ZNF609: variants seen among roughly 807,000 people sequenced by gnomAD.
ZNF609 encodes the protein zinc finger protein 609.
ZNF609 carries 11 observed loss-of-function variants against 109.5 expected under a neutral mutation model. The ratio of observed to expected loss-of-function variants is 0.10; its 90% confidence interval spans 0.06 to 0.17. The LOEUF is 0.17. Ranked by LOEUF, ZNF609 falls within the 10% of genes least tolerant of loss-of-function variation. ZNF609 has a pLI of 1.00. For missense variants in ZNF609, 1,559 were observed against 1,772.4 expected (o/e 0.88, Z 2.16); for synonymous variants, 646 against 662.0 (o/e 0.98, Z 0.37).
At chr15:64,475,801 T>G (rs1048835544) in intron 1 of ZNF609, among the ~76,000 whole-genome samples, 1 of 152,244 alleles carries the variant, frequency 6.6e-6, no homozygotes, top group Non-Finnish European at 1.5e-5. Flanking sequence ...AGCCCAGTGC[T>G]TCTTTGAATA....
intron 3 of ZNF609, among the ~76,000 whole-genome samples, chr15:64,638,733 A>G (rs1896214555): frequency 6.6e-6 from 1 of 151,904 alleles, no homozygotes; most frequent in South Asian, 2.1e-4. Flanking sequence ...CCATCTCTAC[A>G]AAAAGTAGAA....
At chr15:64,486,514 ACT>A (rs1365153192) in intron 1 of ZNF609, among the ~76,000 whole-genome samples, 5 of 124,644 alleles carry the variant, frequency 4.0e-5, no homozygotes, top group African/African-American at 1.4e-4. Flanking sequence ...ACAGAGTGAG[ACT>A]CTGTCTCCAA....
chr15:64,547,652 T>G (rs1894388884), intron 2 of ZNF609, among the ~76,000 whole-genome samples: 1 of 145,842 alleles, frequency 6.9e-6, no homozygotes, highest in Non-Finnish European at 1.5e-5. Context: ...ACTTACCACT[T>G]TTTTTTTTTT....
intron 2 of ZNF609, among the ~76,000 whole-genome samples, chr15:64,543,084 A>G (rs751420790): frequency 6.6e-6 from 1 of 152,064 alleles, no homozygotes; most frequent in Non-Finnish European, 1.5e-5. Flanking sequence ...AGGTGCAGCA[A>G]ACCACCGTGG....
intron 2 of ZNF609, among the ~76,000 whole-genome samples, chr15:64,573,168 A>G (rs1314642494): frequency 6.6e-6 from 1 of 151,886 alleles, no homozygotes; most frequent in East Asian, 1.9e-4. Flanking sequence ...TGATTATGAG[A>G]TGAGAAAGTA....
At chr15:64,554,806 G>T (rs990698643) in intron 2 of ZNF609, among the ~76,000 whole-genome samples, 2 of 151,600 alleles carry the variant, frequency 1.3e-5, no homozygotes, top group African/African-American at 4.8e-5. Context: ...AATCTTTAAA[G>T]AATTTTCCGG....
chr15:64,610,503 G>A (rs1344671101), intron 2 of ZNF609, among the ~76,000 whole-genome samples: 1 of 152,060 alleles, frequency 6.6e-6, no homozygotes, highest in African/African-American at 2.4e-5. Flanking sequence ...ACAACAAATA[G>A]CCAAGTGCAG....
intron 2 of ZNF609, among the ~76,000 whole-genome samples, chr15:64,524,315 C>A (rs1433693887): frequency 6.6e-6 from 1 of 152,214 alleles, no homozygotes; most frequent in Non-Finnish European, 1.5e-5. Flanking sequence ...CCTGTAATCC[C>A]AGCACTTTGG....
rs35347624 is a variant in ZNF609 at position 64,666,074 on chromosome 15, C to CAA, written c.974-4258_974-4257dup. Among the ~76,000 whole-genome samples the CAA allele has an allele frequency of 3.8e-3, 507 of 134,296 alleles. 5 individuals carry two copies. Among genetic ancestry groups the CAA allele is most frequent in the Middle Eastern group, 0.02 (5 of 252 alleles). 88.1% of individuals were successfully genotyped at this position (134,296 alleles called of 152,430 possible). On this transcript the variant is annotated intron_variant, in intron 3 of 9. Coordinates refer to ENST00000326648, the MANE Select transcript of ZNF609 (RefSeq NM_015042.2). ...TGGGCAACAGAGCAAGACTTCGTCTCAAAAAAAAAAAAAAACACACACACA... is the reference window on the plus strand; with the variant it reads ...TGGGCAACAGAGCAAGACTTCGTCTCAAAAAAAAAAAAAAAAACACACACACA...
intron 2 of ZNF609, among the ~76,000 whole-genome samples, chr15:64,526,831 G>A (rs955369558): frequency 6.6e-6 from 1 of 152,074 alleles, no homozygotes; most frequent in Non-Finnish European, 1.5e-5. Context: ...TGTAGACACA[G>A]GGTTTCACTA....
Position 64,675,844 on chromosome 15 carries a change from C to G in ZNF609, c.2990C>G (p.Thr997Ser). 6.2e-7 allele frequency: 1 copy of G among 1,614,232 alleles called. No individual in the cohort carries two copies. Among genetic ancestry groups the G allele is most frequent in the African/African-American group, 1.3e-5 (1 of 75,062 alleles). The part of the protein sequence containing the change: ...DQSYHTHLLS[T>S]NTAYRQQYEE... ...AGTTACCACACCCACCTTCTGAGCA[C>G]TAACACGGCTTACCGGCAGCAGTAC... is the stretch of plus-strand genomic sequence containing the variant. Residue 997 changes from threonine to serine, a missense_variant, in exon 5 of 10, where the codon ACT becomes AGT. Thr to Ser is a moderately conservative substitution (Grantham distance 58). Around this residue, in one of 4 missense-constraint regions of ZNF609, gnomAD observed 1,204 missense variants for 1,314.1 expected, o/e 0.92. Coordinates refer to ENST00000326648, the MANE Select transcript of ZNF609 (RefSeq NM_015042.2).
chr15:64,558,442 T>G (rs541208504), intron 2 of ZNF609, among the ~76,000 whole-genome samples: 200 of 152,360 alleles, frequency 1.3e-3, no homozygotes, highest in African/African-American at 4.7e-3. Flanking sequence ...TATGGAATAC[T>G]CTTAAAATAA....
rs150114407 is a variant in ZNF609, at chr15:64,603,922, C to T, written c.748-18905C>T. Among the ~76,000 whole-genome samples, 430 of 147,592 alleles carry T rather than the reference C, an allele frequency of 2.9e-3. 1 individual carries two copies. The highest frequency in any genetic ancestry group is 0.01 in the African/African-American group (413 of 39,610). The stretch of plus-strand genomic sequence containing the variant: ...GCTGAGACAGAGAATTGCTTGAACC[C>T]GGGAGGTAAAGGTTGCAGTAAGCCG... On this transcript the variant is annotated intron_variant, in intron 2 of 9. Transcript: ENST00000326648.
intron 2 of ZNF609, among the ~76,000 whole-genome samples, chr15:64,554,778 T>C (rs1219975124): frequency 6.6e-6 from 1 of 152,020 alleles, no homozygotes; most frequent in East Asian, 1.9e-4. Context: ...TTTTATATAT[T>C]CTTGGATTTG....
At chr15:64,578,908 G>C (rs1895046645) in intron 2 of ZNF609, among the ~76,000 whole-genome samples, 1 of 152,088 alleles carries the variant, frequency 6.6e-6, no homozygotes, top group Non-Finnish European at 1.5e-5. Flanking sequence ...GCTGATTGGT[G>C]GGTGGATTGC....
At chr15:64,614,347 C>T (rs1330371876) in intron 2 of ZNF609, among the ~76,000 whole-genome samples, 1 of 152,006 alleles carries the variant, frequency 6.6e-6, no homozygotes, top group Admixed American at 6.6e-5. Flanking sequence ...TGCCCTGCCT[C>T]AGCCTCTGAC....
intron 2 of ZNF609, among the ~76,000 whole-genome samples, chr15:64,534,064 TG>T (rs1489221744): frequency 2.0e-5 from 3 of 150,478 alleles, no homozygotes; most frequent in Non-Finnish European, 4.4e-5. Context: ...CAGGCTGGAG[TG>T]CAATGGCACA....
chr15:64,635,121 T>C (rs1386999902), intron 3 of ZNF609, among the ~76,000 whole-genome samples: 3 of 152,124 alleles, frequency 2.0e-5, no homozygotes, highest in African/African-American at 4.8e-5. Flanking sequence ...CCTTTGTGCA[T>C]GCTCACACAC....
In ZNF609 at chr15:64,680,351, G is replaced by T. The variant is rs1181068104; in HGVS notation, c.3936G>T (p.Lys1312Asn). Residue 1312 changes from lysine (K) to asparagine (N), a missense_variant, in exon 7 of 10, where the codon AAG becomes AAT. Physicochemically the swap from Lys to Asn is moderately conservative, Grantham distance 94. Transcript: ENST00000326648. ...LQQHASHYKS[K>N]SPTISDKTSQ... is the part of the protein sequence containing the mutation. ...AGCATGCCAGTCACTACAAGAGCAA[G>T]TCTCCCACGGTAAGAAAAGTACAGT... The T allele has an allele frequency of 6.2e-7, 1 of 1,614,100 alleles. No homozygotes were observed. Among genetic ancestry groups the T allele is most frequent in the Admixed American group, 1.7e-5 (1 of 60,028 alleles).
Sources: gnomAD v4.1 joint callset for allele counts (sites outside exome capture counted in the v4.1 genomes callset) on GRCh38, gnomAD v4.1.1 for gene constraint, gnomAD v4.1.1 regional missense constraint, MANE v1.5 for transcripts, NCBI Gene and HGNC (gene_info 2026-07-23, HGNC 2026-07-21) for gene names.